PHF14: variants seen among roughly 807,000 people sequenced by gnomAD.
PHF14 encodes the protein PHD finger protein 14.
Under a neutral mutation model 117.9 loss-of-function variants are expected in PHF14, and 55 were observed. That is an observed-to-expected ratio of 0.47 (90% CI 0.38 to 0.58). The LOEUF (loss-of-function observed/expected upper bound fraction) is 0.58, where lower values mean the gene tolerates loss of function less well. Among genes scored for constraint, PHF14 ranks in the 20% least tolerant of loss-of-function variants. The pLI is 0.00. For synonymous variants in PHF14, 409 were observed against 368.6 expected (o/e 1.11, Z -1.26); for missense variants, 978 against 1,122.2 (o/e 0.87, Z 1.84).
intron 17 of PHF14, among the ~76,000 whole-genome samples, chr7:11,134,616 A>T (rs1788168410): frequency 6.6e-6 from 1 of 152,056 alleles, no homozygotes; most frequent in South Asian, 2.1e-4. Context: ...CCACAGGATC[A>T]CACAACTTTT....
chr7:11,082,102 G>A (rs1456093343), intron 16 of PHF14, among the ~76,000 whole-genome samples: 1 of 152,120 alleles, frequency 6.6e-6, no homozygotes, highest in Non-Finnish European at 1.5e-5. Context: ...CCAGCACTTT[G>A]GGAGGCCGAG....
intron 17 of PHF14, among the ~76,000 whole-genome samples, chr7:11,153,972 T>TGTGTGTGTGTGTGTGTGTGTGTG (rs1562488381): frequency 4.0e-5 from 6 of 151,324 alleles, no homozygotes; most frequent in African/African-American, 1.5e-4. Flanking sequence ...TGTGTGTGTG[T>TGTGTGTGTGTGTGTGTGTGTGTG]TTTAAGAATA....
At chr7:11,022,688 AGT>A (rs1783776466) in intron 5 of PHF14, among the ~76,000 whole-genome samples, 178 bp from the exon 6 acceptor site, 1 of 152,058 alleles carries the variant, frequency 6.6e-6, no homozygotes, top group Admixed American at 6.6e-5. Context: ...TTTGTAACTA[AGT>A]GTTATTCTGT....
intron 4 of PHF14, among the ~76,000 whole-genome samples, chr7:11,009,864 G>T (rs1239598549): frequency 3.9e-5 from 6 of 152,180 alleles, no homozygotes; most frequent in African/African-American, 1.4e-4. Context: ...GAATTTCCTG[G>T]GAATGGATTT....
intron 16 of PHF14, among the ~76,000 whole-genome samples, chr7:11,068,195 C>CA (rs1375671030): frequency 6.6e-6 from 1 of 151,370 alleles, no homozygotes; most frequent in Admixed American, 6.6e-5. Context: ...CTAAAAAATA[C>CA]AAAAAATTAG....
intron 13 of PHF14, among the ~76,000 whole-genome samples, chr7:11,049,468 G>C (rs1271671583): frequency 3.6e-5 from 4 of 112,090 alleles, no homozygotes; most frequent in African/African-American, 1.2e-4. Context: ...TAGCAAGACT[G>C]TCTCTCAAAA....
At chr7:11,033,510 A>G (rs1441174329) in intron 7 of PHF14, among the ~76,000 whole-genome samples, 2 of 152,154 alleles carry the variant, frequency 1.3e-5, no homozygotes, top group African/African-American at 2.4e-5. Context: ...ACTTAATCAC[A>G]TGGCCACATC....
chr7:10,993,254 C>T (rs552885568), intron 4 of PHF14, among the ~76,000 whole-genome samples: 2 of 152,148 alleles, frequency 1.3e-5, no homozygotes, highest in South Asian at 4.1e-4. Flanking sequence ...AGGGCTGTGA[C>T]TACCACAAAA....
chr7:10,995,529 C>T (rs144420751), intron 4 of PHF14, among the ~76,000 whole-genome samples: 2,239 of 152,338 alleles, frequency 0.015, 49 homozygotes, highest in African/African-American at 0.05. Context: ...TGGAGCTGCC[C>T]GCCAGTCCCA....
chr7:11,002,592 C>T (rs2128313361), intron 4 of PHF14, among the ~76,000 whole-genome samples: 1 of 152,094 alleles, frequency 6.6e-6, no homozygotes, highest in Middle Eastern at 3.4e-3. Flanking sequence ...GGCATATGCG[C>T]CACCACGCCC....
At chr7:11,146,033 G>T (rs1010049032) in intron 17 of PHF14, among the ~76,000 whole-genome samples, 25 of 152,082 alleles carry the variant, frequency 1.6e-4, no homozygotes, top group African/African-American at 5.8e-4. Flanking sequence ...TAAATGTCTT[G>T]TTGGAAAATC....
chr7:11,044,302 CT>C lies in PHF14; in HGVS notation c.2312+1489del, dbSNP rs1219889571. ...TGTAACAAACCTGTGCATATACCCC[CT>C]GATCTAAAATAAAAGTTGAAATTAA... On this transcript the variant is annotated intron_variant, in intron 13 of 17. Transcript: ENST00000634607. Among the ~76,000 whole-genome samples the C allele has an allele frequency of 5.3e-5, 8 of 151,950 alleles. No individual in the cohort carries two copies. In the South Asian group the frequency reaches 6.2e-4, roughly 12 times the overall value.
chr7:11,131,858 A>T (rs1341567887), intron 17 of PHF14, among the ~76,000 whole-genome samples: 4 of 151,672 alleles, frequency 2.6e-5, no homozygotes, highest in Non-Finnish European at 5.9e-5. Flanking sequence ...TTTCTTTTTG[A>T]CATTTGGAGG....
At chr7:11,061,310 C>G (rs996606596) in intron 14 of PHF14, 4 of 152,086 alleles carry the variant, frequency 2.6e-5, no homozygotes, top group Admixed American at 2.6e-4. Flanking sequence ...GAGAACTTTT[C>G]CTTCTACTTT....
chr7:11,051,241 C>G (rs79752602), intron 13 of PHF14, among the ~76,000 whole-genome samples: 1,903 of 151,872 alleles, frequency 0.013, 41 homozygotes, highest in East Asian at 0.1. Context: ...CAGTCTCTCA[C>G]TATGTTGTGA....
At chr7:11,075,137 C>T (rs1464289836) in intron 16 of PHF14, among the ~76,000 whole-genome samples, 2 of 152,004 alleles carry the variant, frequency 1.3e-5, no homozygotes, top group Non-Finnish European at 2.9e-5. Flanking sequence ...CAGAGTTTCA[C>T]CGTGTTGCCC....
At chr7:11,102,895 G>T in intron 16 of PHF14, 8 of 1,092,554 alleles carry the variant, frequency 7.3e-6, no homozygotes, top group Non-Finnish European at 8.9e-6. Context: ...TTGATACACA[G>T]TGTTTGGACT....
intron 14 of PHF14, among the ~76,000 whole-genome samples, chr7:11,057,782 C>CA: frequency 6.6e-6 from 1 of 151,944 alleles, no homozygotes; most frequent in Non-Finnish European, 1.5e-5. Context: ...ATTTTTTAAT[C>CA]ACCTCTTTTC....
intron 3 of PHF14, among the ~76,000 whole-genome samples, chr7:10,990,465 C>T (rs76152108): frequency 0.015 from 2,309 of 152,116 alleles, 47 homozygotes; most frequent in African/African-American, 0.053. Flanking sequence ...AGAGAGAATA[C>T]GAAGCTTGCA....
Sources: allele counts gnomAD v4.1 joint callset (sites outside exome capture counted in the v4.1 genomes callset), GRCh38; gene constraint gnomAD v4.1.1; transcripts MANE v1.5; gene names NCBI Gene and HGNC (gene_info 2026-07-23, HGNC 2026-07-21).